XKR9: variants seen among roughly 807,000 people sequenced by gnomAD.
XKR9 encodes the protein XK-related protein 9.
In XKR9, 32 loss-of-function variants were observed where a neutral mutation model predicts 32.0. The ratio of observed to expected loss-of-function variants is 1.00; its 90% CI spans 0.76 to 1.34. The LOEUF is 1.34. XKR9 is among the 40% of genes most tolerant of loss of function. The pLI is 0.00. For synonymous variants in XKR9, 168 were observed against 143.4 expected, an observed-to-expected ratio of 1.17 and a Z score of -1.22; for missense variants, 546 against 429.7, an observed-to-expected ratio of 1.27 and a Z score of -2.39.
the XKR9 span, among the ~76,000 whole-genome samples, chr8:70,899,764 C>T: frequency 6.6e-6 from 1 of 152,120 alleles, no homozygotes; most frequent in Non-Finnish European, 1.5e-5. Context: ...GCTTCCATGT[C>T]AGCACATACA....
the XKR9 span, among the ~76,000 whole-genome samples, chr8:70,886,972 C>A: frequency 6.5e-4 from 99 of 152,264 alleles, no homozygotes; most frequent in African/African-American, 2.3e-3. Flanking sequence ...TGCCTATGTT[C>A]TTTACCTAGT....
intron 4 of XKR9, among the ~76,000 whole-genome samples, chr8:70,714,345 C>G (rs1429637970): frequency 6.6e-6 from 1 of 151,682 alleles, no homozygotes; most frequent in East Asian, 1.9e-4. Context: ...CAGCAAATTA[C>G]AGATATAAGA....
At chr8:70,862,393 C>T in the XKR9 span, among the ~76,000 whole-genome samples, 37 of 151,750 alleles carry the variant, frequency 2.4e-4, 1 homozygote, top group Non-Finnish European at 2.9e-5. Flanking sequence ...ATGGCACTGG[C>T]AAAAGAGATG....
At chr8:71,019,253 T>G in the XKR9 span, among the ~76,000 whole-genome samples, 4 of 152,336 alleles carry the variant, frequency 2.6e-5, no homozygotes, top group African/African-American at 9.6e-5. Flanking sequence ...CTGTAGAATT[T>G]TAGCGAAGTC....
intron 3 of XKR9, among the ~76,000 whole-genome samples, chr8:70,692,151 G>GTTTTATT (rs1434798717): frequency 1.3e-5 from 2 of 151,886 alleles, no homozygotes; most frequent in Non-Finnish European, 2.9e-5. Flanking sequence ...ATTCCTAGGT[G>GTTTTATT]TTTTATTTTT....
intron 2 of XKR9, among the ~76,000 whole-genome samples, chr8:70,768,179 C>A (rs548178164): frequency 6.6e-6 from 1 of 152,180 alleles, no homozygotes; most frequent in East Asian, 1.9e-4. Context: ...TTGTTATTTA[C>A]CTAGTAGTGA....
intron 2 of XKR9, among the ~76,000 whole-genome samples, chr8:70,756,962 T>A (rs1259180423): frequency 9.9e-5 from 15 of 152,176 alleles, no homozygotes. Context: ...CCACTAACTA[T>A]GATGTTAACT....
At chr8:70,820,289 T>A in the XKR9 span, among the ~76,000 whole-genome samples, 1 of 152,210 alleles carries the variant, frequency 6.6e-6, no homozygotes, top group Non-Finnish European at 1.5e-5. Flanking sequence ...TCATACTTCT[T>A]GTGTTAGTCT....
At chr8:70,685,435 T>G (rs917787912) in intron 3 of XKR9, among the ~76,000 whole-genome samples, 2 of 147,784 alleles carry the variant, frequency 1.4e-5, no homozygotes, top group African/African-American at 5.0e-5. Context: ...GCATGGCACA[T>G]GTATACATAT....
the XKR9 span, among the ~76,000 whole-genome samples, chr8:70,797,711 C>T: frequency 6.6e-6 from 1 of 152,228 alleles, no homozygotes; most frequent in East Asian, 1.9e-4. Flanking sequence ...CCCTAACCTC[C>T]ACCCTCAATG....
the XKR9 span, among the ~76,000 whole-genome samples, chr8:70,993,747 C>T: frequency 2.0e-5 from 3 of 151,894 alleles, no homozygotes; most frequent in South Asian, 6.2e-4. Context: ...TTCTCTCTGT[C>T]AGACCTTTAA....
At chr8:70,738,146 A>C (rs1157855208), downstream of XKR9, among the ~76,000 whole-genome samples, 523 of 127,364 alleles carry the variant, frequency 4.1e-3, 8 homozygotes, top group African/African-American at 6.3e-3. Flanking sequence ...ACAATTTCAG[A>C]TCCTGTTATT....
intron 4 of XKR9, among the ~76,000 whole-genome samples, chr8:70,730,022 T>C (rs1806609470): frequency 6.6e-6 from 1 of 152,184 alleles, no homozygotes; most frequent in Non-Finnish European, 1.5e-5. Flanking sequence ...GATCACAGTT[T>C]ATTTACTTAT....
the XKR9 span, among the ~76,000 whole-genome samples, chr8:70,799,033 CT>C: frequency 1.3e-5 from 2 of 151,702 alleles, no homozygotes; most frequent in African/African-American, 4.8e-5. Context: ...GCTGTTCAAG[CT>C]TTTTTTTGGT....
At chr8:70,695,247 T>A (rs1563427892) in intron 3 of XKR9, among the ~76,000 whole-genome samples, 1 of 151,188 alleles carries the variant, frequency 6.6e-6, no homozygotes, top group African/African-American at 2.4e-5. Flanking sequence ...TACATATGTA[T>A]ACATGTGCCA....
intron 3 of XKR9, among the ~76,000 whole-genome samples, chr8:70,706,595 C>G (rs1273648467): frequency 6.6e-6 from 1 of 152,142 alleles, no homozygotes; most frequent in African/African-American, 2.4e-5. Flanking sequence ...GTGTAACTTT[C>G]AGCACATCAC....
chr8:70,701,168 G>T (rs953855275), intron 3 of XKR9, among the ~76,000 whole-genome samples: 3 of 152,164 alleles, frequency 2.0e-5, no homozygotes, highest in Non-Finnish European at 2.9e-5. Context: ...CCCTGCTTCG[G>T]CTCGTGCACA....
the XKR9 span, among the ~76,000 whole-genome samples, chr8:71,042,696 A>C: frequency 6.6e-6 from 1 of 151,914 alleles, no homozygotes; most frequent in African/African-American, 2.4e-5. Context: ...AGGATGTTTT[A>C]AATGTTTATG....
intron 2 of XKR9, among the ~76,000 whole-genome samples, chr8:70,765,638 C>T (rs777609823): frequency 6.6e-6 from 1 of 152,084 alleles, no homozygotes; most frequent in African/African-American, 2.4e-5. Flanking sequence ...TTTTGGCTTG[C>T]GTTGCAGTTG....
Sources: gnomAD v4.1 joint callset for allele counts (sites outside exome capture counted in the v4.1 genomes callset) on GRCh38, gnomAD v4.1.1 for gene constraint, MANE v1.5 for transcripts, NCBI Gene and HGNC (gene_info 2026-07-23, HGNC 2026-07-21) for gene names.